The following MAF variants were observed in gnomAD, a reference collection of about 807,000 sequenced individuals.
MAF encodes transcription factor Maf.
A neutral mutation model predicts 22.0 loss-of-function variants in MAF; 10 were observed. The observed-to-expected ratio is 0.45, with a 90% CI of 0.28 to 0.77. The LOEUF (loss-of-function observed/expected upper bound fraction) is 0.77, where lower values mean the gene tolerates loss of function less well. Ranked by LOEUF, MAF falls within the 30% of genes least tolerant of loss-of-function variation. MAF has a pLI of 0.12. For synonymous variants in MAF, 337 were observed against 255.8 expected (o/e 1.32, Z -3.03); for missense variants, 544 against 548.4 (o/e 0.99, Z 0.08).
At chr16:79,216,701 A>G in the MAF span, among the ~76,000 whole-genome samples, 1 of 152,146 alleles carries the variant, frequency 6.6e-6, no homozygotes, top group Non-Finnish European at 1.5e-5. Context: ...TTTTCAACTT[A>G]CTATGGGTTT....
chr16:79,400,029 C>T, the MAF span, among the ~76,000 whole-genome samples: 1 of 152,158 alleles, frequency 6.6e-6, no homozygotes, highest in Non-Finnish European at 1.5e-5. Flanking sequence ...ATGGCAGTAC[C>T]CGACACAGGT....
the MAF span, among the ~76,000 whole-genome samples, chr16:79,427,607 T>G: frequency 3.3e-5 from 5 of 152,092 alleles, no homozygotes; most frequent in African/African-American, 1.2e-4. Flanking sequence ...GAATGCTCCC[T>G]CCCTTACCCC....
the MAF span, among the ~76,000 whole-genome samples, chr16:79,292,980 G>T: frequency 6.6e-6 from 1 of 152,140 alleles, no homozygotes; most frequent in Non-Finnish European, 1.5e-5. Context: ...CCACCCCTTT[G>T]CCAGAAAACT....
chr16:79,242,257 G>C, the MAF span, among the ~76,000 whole-genome samples: 2 of 151,526 alleles, frequency 1.3e-5, no homozygotes, highest in Non-Finnish European at 2.9e-5. Flanking sequence ...ATTGGATAAA[G>C]AGTCAAGACC....
At chr16:79,565,071 G>A in the MAF span, among the ~76,000 whole-genome samples, 1 of 152,124 alleles carries the variant, frequency 6.6e-6, no homozygotes, top group Non-Finnish European at 1.5e-5. Context: ...AGCTTTGCAA[G>A]GGCACCTACC....
the MAF span, among the ~76,000 whole-genome samples, chr16:79,215,481 A>G: frequency 6.6e-6 from 1 of 152,228 alleles, no homozygotes; most frequent in Non-Finnish European, 1.5e-5. Flanking sequence ...ATATTGGCGT[A>G]TCATCAGCCA....
chr16:79,269,246 A>T, the MAF span, among the ~76,000 whole-genome samples: 8 of 152,260 alleles, frequency 5.3e-5, no homozygotes, highest in South Asian at 4.2e-4. Context: ...CAAAGGAGTG[A>T]CTTCCAGCAG....
the MAF span, among the ~76,000 whole-genome samples, chr16:79,314,919 G>T: frequency 2.0e-5 from 3 of 152,132 alleles, no homozygotes; most frequent in Non-Finnish European, 4.4e-5. Context: ...CCCATTGCAG[G>T]AAGTGACCTC....
chr16:79,323,695 T>C, the MAF span, among the ~76,000 whole-genome samples: 1 of 152,126 alleles, frequency 6.6e-6, no homozygotes, highest in Non-Finnish European at 1.5e-5. Context: ...CCACAGTCTG[T>C]GCCACTCCCT....
At chr16:79,416,544 T>G in the MAF span, among the ~76,000 whole-genome samples, 3 of 149,590 alleles carry the variant, frequency 2.0e-5, no homozygotes, top group Admixed American at 2.0e-4. Context: ...TTTCATAGAA[T>G]TGAATATTTT....
chr16:79,214,941 C>G, the MAF span, among the ~76,000 whole-genome samples: 1 of 150,904 alleles, frequency 6.6e-6, no homozygotes, highest in Admixed American at 6.6e-5. Context: ...AACTCCTGAC[C>G]TCAGGTGATC....
At chr16:79,379,936 A>G in the MAF span, among the ~76,000 whole-genome samples, 1 of 152,218 alleles carries the variant, frequency 6.6e-6, no homozygotes, top group Non-Finnish European at 1.5e-5. Context: ...GTTTCAGTCC[A>G]TAATGGAGCA....
At chr16:79,347,213 C>G in the MAF span, among the ~76,000 whole-genome samples, 9,306 of 152,300 alleles carry the variant, frequency 0.061, 552 homozygotes, top group East Asian at 0.19. Flanking sequence ...AGGAATAGAA[C>G]TTTCCGTTTT....
At chr16:79,510,487 C>G in the MAF span, among the ~76,000 whole-genome samples, 1 of 152,192 alleles carries the variant, frequency 6.6e-6, no homozygotes, top group African/African-American at 2.4e-5. Context: ...GATGGAGACA[C>G]AGTTTGGGTT....
chr16:79,326,896 A>G, the MAF span, among the ~76,000 whole-genome samples: 3 of 152,186 alleles, frequency 2.0e-5, no homozygotes, highest in African/African-American at 7.2e-5. Context: ...AAATGAATAG[A>G]TTTTCAGAAA....
chr16:79,355,077 T>C, the MAF span, among the ~76,000 whole-genome samples: 1 of 152,224 alleles, frequency 6.6e-6, no homozygotes, highest in Non-Finnish European at 1.5e-5. Context: ...AGATTAGTTT[T>C]TCCCCCTCAT....
the MAF span, among the ~76,000 whole-genome samples, chr16:79,331,906 C>T: frequency 1.3e-5 from 2 of 152,196 alleles, no homozygotes; most frequent in Non-Finnish European, 2.9e-5. Context: ...CCTGACCAAC[C>T]AGTACAGTGG....
the MAF span, among the ~76,000 whole-genome samples, chr16:79,446,887 G>A: frequency 2.1e-4 from 32 of 152,176 alleles, no homozygotes; most frequent in South Asian, 6.7e-3. Context: ...CTGCACTCCA[G>A]CCTGGGTGAC....
the MAF span, among the ~76,000 whole-genome samples, chr16:79,502,726 T>C: frequency 8.8e-4 from 89 of 101,604 alleles, 4 homozygotes; most frequent in Middle Eastern, 4.2e-3. Context: ...TATATATATA[T>C]ATATATATAT....
Sources: allele counts gnomAD v4.1 joint callset (sites outside exome capture counted in the v4.1 genomes callset), GRCh38; gene constraint gnomAD v4.1.1; transcripts MANE v1.5; gene names NCBI Gene and HGNC (gene_info 2026-07-23, HGNC 2026-07-21).